Variants in PRP4K observed in about 807,000 individuals in gnomAD.
The protein encoded by PRP4K is pre-mRNA processing factor kinase PRP4K, also known as serine/threonine-protein kinase PRP4 homolog.
the PRP4K span, among the ~76,000 whole-genome samples, chr6:4,046,539 G>A: frequency 2.6e-5 from 4 of 152,078 alleles, no homozygotes; most frequent in Non-Finnish European, 5.9e-5. Context: ...AACCTTTTGG[G>A]ATTTAAGGTG....
At chr6:4,050,356 A>C in the PRP4K span, 2 of 812,124 alleles carry the variant, frequency 2.5e-6, no homozygotes, top group Admixed American at 6.0e-5. Flanking sequence ...TGGATTTTAA[A>C]ATTATAGCCA....
chr6:4,059,669 C>T, the PRP4K span, among the ~76,000 whole-genome samples: 6 of 151,472 alleles, frequency 4.0e-5, no homozygotes, highest in East Asian at 1.9e-4. Flanking sequence ...GACTGAGTCT[C>T]GCTCTGTCAC....
At chr6:4,024,420 C>T in the PRP4K span, among the ~76,000 whole-genome samples, 3 of 151,928 alleles carry the variant, frequency 2.0e-5, no homozygotes, top group Admixed American at 6.6e-5. Context: ...TCACTTTGCT[C>T]GCCACTAAAA....
chr6:4,029,012 C>CTTTTTTTTTT, the PRP4K span, among the ~76,000 whole-genome samples: 5 of 132,470 alleles, frequency 3.8e-5, 1 homozygote, highest in Non-Finnish European at 4.9e-5. Flanking sequence ...TACTTGGAAT[C>CTTTTTTTTTT]TTTTTTTTTT....
At chr6:4,047,922 AC>A in the PRP4K span, among the ~76,000 whole-genome samples, 2 of 150,858 alleles carry the variant, frequency 1.3e-5, no homozygotes, top group Admixed American at 6.6e-5. Context: ...ACACACACAC[AC>A]ACACACACAC....
At chr6:4,032,104 C>G in the PRP4K span, 1 of 1,612,974 alleles carries the variant, frequency 6.2e-7, no homozygotes, top group African/African-American at 1.3e-5. Context: ...AGACATAGGT[C>G]TGATAAAAAG....
chr6:4,043,549 G>A, the PRP4K span, among the ~76,000 whole-genome samples: 1 of 152,110 alleles, frequency 6.6e-6, no homozygotes, highest in Non-Finnish European at 1.5e-5. Context: ...GAGAAAATAA[G>A]ACAATAAATG....
At chr6:4,042,510 A>T in the PRP4K span, 1 of 1,611,404 alleles carries the variant, frequency 6.2e-7, no homozygotes, top group Non-Finnish European at 8.5e-7. Flanking sequence ...GATGTAGAGG[A>T]AGAAGATGAA....
chr6:4,034,486 A>G, the PRP4K span, among the ~76,000 whole-genome samples: 1 of 152,144 alleles, frequency 6.6e-6, no homozygotes, highest in Non-Finnish European at 1.5e-5. Context: ...ATTTCCATCC[A>G]GGAAAGTTAG....
chr6:4,049,479 G>A, the PRP4K span: 215 of 486,250 alleles, frequency 4.4e-4, 2 homozygotes, highest in South Asian at 7.5e-3. Flanking sequence ...ACTACAATTG[G>A]AAAAACTTAA....
chr6:4,057,306 G>A, the PRP4K span: 2 of 1,011,504 alleles, frequency 2.0e-6, no homozygotes, highest in East Asian at 2.6e-5. Flanking sequence ...TGGGTAGATG[G>A]CTATCATGAT....
the PRP4K span, chr6:4,058,821 G>A: frequency 6.3e-7 from 1 of 1,585,684 alleles, no homozygotes; most frequent in East Asian, 2.2e-5. Context: ...GAGGGTAAGT[G>A]TTTTAAATGC....
At chr6:4,022,245 A>G in the PRP4K span, among the ~76,000 whole-genome samples, 1 of 142,460 alleles carries the variant, frequency 7.0e-6, no homozygotes, top group South Asian at 2.3e-4. Flanking sequence ...GCTACTGCCA[A>G]ACCACTTTAT....
the PRP4K span, among the ~76,000 whole-genome samples, chr6:4,029,938 CTTTT>C: frequency 1.5e-5 from 2 of 133,766 alleles, no homozygotes; most frequent in Admixed American, 7.5e-5. Flanking sequence ...TGTTTTCTTT[CTTTT>C]TTTTTTTTTT....
the PRP4K span, among the ~76,000 whole-genome samples, chr6:4,046,505 AT>A: frequency 6.6e-6 from 1 of 152,132 alleles, no homozygotes; most frequent in African/African-American, 2.4e-5. Flanking sequence ...ATACATAGAG[AT>A]TTAGATCTAT....
At chr6:4,051,914 C>T in the PRP4K span, 1 of 1,309,792 alleles carries the variant, frequency 7.6e-7, no homozygotes, top group Middle Eastern at 2.0e-4. Context: ...CTCCTAAATT[C>T]TGTATATATT....
chr6:4,044,396 A>T, the PRP4K span, among the ~76,000 whole-genome samples: 2 of 152,194 alleles, frequency 1.3e-5, no homozygotes, highest in African/African-American at 4.8e-5. Context: ...TGGTTACCCC[A>T]AAAGATAGTT....
At chr6:4,052,740 TA>T in the PRP4K span, 1 of 1,594,400 alleles carries the variant, frequency 6.3e-7, no homozygotes, top group Non-Finnish European at 8.6e-7. Flanking sequence ...CGAGAGGTGT[TA>T]AAAAAATATG....
chr6:4,024,471 C>T, the PRP4K span, among the ~76,000 whole-genome samples: 4 of 152,174 alleles, frequency 2.6e-5, 1 homozygote, highest in African/African-American at 9.7e-5. Context: ...CGGCTTTATT[C>T]ATACACAAAT....
Sources: allele counts gnomAD v4.1 joint callset (sites outside exome capture counted in the v4.1 genomes callset), GRCh38; gene constraint gnomAD v4.1.1; transcripts MANE v1.5; gene names NCBI Gene and HGNC (gene_info 2026-07-23, HGNC 2026-07-21).